The following TENM1 variants were observed in gnomAD, a reference collection of about 807,000 sequenced individuals.
TENM1 encodes teneurin transmembrane protein 1, also known as teneurin-1.
A neutral mutation model predicts 174.8 loss-of-function variants in TENM1; 35 were observed. That is an observed-to-expected ratio of 0.20 (90% CI 0.15 to 0.27). TENM1 has a LOEUF of 0.27. Ranked by LOEUF, TENM1 falls within the 10% of genes least tolerant of loss-of-function variation. The pLI, the probability that TENM1 is intolerant of heterozygous loss-of-function variation, is 1.00. For synonymous variants in TENM1, 781 were observed against 798.7 expected, an observed-to-expected ratio of 0.98 and a Z score of 0.37; for missense variants, 1,633 against 2,130.1, an observed-to-expected ratio of 0.77 and a Z score of 4.59.
At chrX:124,832,731 C>T (rs962541389) in intron 3 of TENM1, among the ~76,000 whole-genome samples, 12 of 111,299 alleles carry the variant, frequency 1.1e-4, no homozygotes, top group Middle Eastern at 4.6e-3. Flanking sequence ...TTCATTACCA[C>T]GCTGGGCTAA....
intron 22 of TENM1, among the ~76,000 whole-genome samples, chrX:124,454,404 TG>T (rs1161257019): frequency 7.0e-5 from 5 of 71,649 alleles, no homozygotes; most frequent in African/African-American, 2.4e-4. Context: ...TATATCTAGG[TG>T]TTTTTTTTTT....
At chrX:124,745,041 G>A (rs747821706) in intron 3 of TENM1, among the ~76,000 whole-genome samples, 4 of 111,898 alleles carry the variant, frequency 3.6e-5, no homozygotes, top group African/African-American at 1.3e-4. Context: ...AACAAAAAAA[G>A]CAAAAGGCAA....
chrX:124,653,443 A>G, intron 7 of TENM1, 141 bp downstream of exon 10: 1 of 462,184 alleles, frequency 2.2e-6, no homozygotes. Flanking sequence ...TTTCAGTGTA[A>G]TTATTCTGGA....
chrX:124,625,028 A>T (rs1366343228), intron 11 of TENM1, among the ~76,000 whole-genome samples: 1 of 111,825 alleles, frequency 8.9e-6, no homozygotes, highest in Non-Finnish European at 1.9e-5. Context: ...ATATTTAAAA[A>T]TGTGAGGTGA....
intron 1 of TENM1, among the ~76,000 whole-genome samples, chrX:124,933,264 G>C (rs7886364): frequency 0.018 from 2,049 of 111,982 alleles, 37 homozygotes; most frequent in African/African-American, 0.062. Flanking sequence ...TTAATGAGCA[G>C]TGAAAAGGCC....
chrX:125,162,780 A>G, the TENM1 span, among the ~76,000 whole-genome samples: 1 of 111,509 alleles, frequency 9.0e-6, no homozygotes, highest in African/African-American at 3.3e-5. Context: ...CCATATCTAC[A>G]TCTGCAGCTT....
At chrX:124,945,044 G>T in intron 1 of TENM1, among the ~76,000 whole-genome samples, 1 of 110,784 alleles carries the variant, frequency 9.0e-6, no homozygotes, top group African/African-American at 3.3e-5. Flanking sequence ...ACTATGGAAA[G>T]AAAAAAGCAG....
chrX:124,761,128 A>G (rs1466829371), intron 3 of TENM1, among the ~76,000 whole-genome samples: 1 of 111,137 alleles, frequency 9.0e-6, no homozygotes, highest in Non-Finnish European at 1.9e-5. Context: ...ATTGTGGAAA[A>G]CTGTGGCGAT....
At chrX:124,678,787 G>T in intron 5 of TENM1, among the ~76,000 whole-genome samples, 2 of 110,927 alleles carry the variant, frequency 1.8e-5, no homozygotes, top group East Asian at 5.7e-4. Context: ...GGAAAATTTG[G>T]GTGTTGGGAA....
chrX:124,686,379 G>T (rs1439137022), intron 5 of TENM1, among the ~76,000 whole-genome samples: 1 of 111,867 alleles, frequency 8.9e-6, no homozygotes, highest in Non-Finnish European at 1.9e-5. Flanking sequence ...TGAAAATAAA[G>T]GATGCTAACT....
chrX:124,817,351 G>A (rs897690924), intron 3 of TENM1, among the ~76,000 whole-genome samples: 1 of 111,788 alleles, frequency 8.9e-6, no homozygotes, highest in African/African-American at 3.3e-5. Context: ...ATAAACATAC[G>A]TGTGCATGTG....
the TENM1 span, among the ~76,000 whole-genome samples, chrX:125,147,139 G>A: frequency 1.1e-4 from 11 of 97,883 alleles, no homozygotes; most frequent in Non-Finnish European, 2.4e-4. Context: ...ACACATATGT[G>A]TGTATATATA....
At position 124,383,614 on chromosome X, in the gene TENM1, GT is replaced by G. The variant is rs1356787081; in HGVS notation, c.7297+19del. On this transcript the variant is annotated intron_variant, in intron 30 of 31. Coordinates refer to ENST00000422452, the Ensembl canonical transcript of TENM1. Reference sequence around the variant, plus strand: ...CTGAGTTACTCAAGTTTAGCTTAAAGTTTTAAATAGTTTAAATACCTGTGGT... The same window carrying G: ...CTGAGTTACTCAAGTTTAGCTTAAAGTTTAAATAGTTTAAATACCTGTGGT... 8.5e-7 allele frequency: 1 copy of G among 1,181,276 alleles called. No individual in the cohort carries two copies. The highest frequency in any genetic ancestry group is 1.1e-6 in the Non-Finnish European group (1 of 877,756).
intron 17 of TENM1, 66 bp downstream of exon 20, chrX:124,523,298 C>T (rs1313189598): frequency 9.5e-7 from 1 of 1,058,052 alleles, no homozygotes; most frequent in African/African-American, 1.9e-5. Flanking sequence ...AGGAATTTAG[C>T]TATTATACAC....
At chrX:124,899,879 T>TA (rs986219933) in intron 1 of TENM1, among the ~76,000 whole-genome samples, 12 of 111,645 alleles carry the variant, frequency 1.1e-4, no homozygotes, top group African/African-American at 3.6e-4. Flanking sequence ...CTACTATGGC[T>TA]AAAAAAAATT....
chrX:124,428,983 A>C (rs1369651431), intron 23 of TENM1, among the ~76,000 whole-genome samples: 1 of 112,289 alleles, frequency 8.9e-6, no homozygotes, highest in Admixed American at 9.4e-5. Flanking sequence ...TTACAGGCCC[A>C]GTCATCTGAG....
intron 1 of TENM1, among the ~76,000 whole-genome samples, chrX:124,898,029 A>G (rs1244433854): frequency 8.9e-6 from 1 of 112,427 alleles, no homozygotes; most frequent in East Asian, 2.8e-4. Context: ...TAAACCTTTC[A>G]GCTTGAAGCT....
At chrX:124,567,724 C>A (rs2048972039) in intron 11 of TENM1, among the ~76,000 whole-genome samples, 1 of 111,286 alleles carries the variant, frequency 9.0e-6, no homozygotes, top group Non-Finnish European at 1.9e-5. Flanking sequence ...CCCAAAAGAA[C>A]CCCTGGTCCC....
At chrX:124,653,887 C>T in intron 6 of TENM1, 104 bp from the exon 10 acceptor site, 1 of 679,928 alleles carries the variant, frequency 1.5e-6, no homozygotes, top group Admixed American at 3.5e-5. Context: ...ACTTACTCAG[C>T]TTTTTCTTCC....
Sources: allele counts gnomAD v4.1 joint callset (sites outside exome capture counted in the v4.1 genomes callset), GRCh38; gene constraint gnomAD v4.1.1; transcripts MANE v1.5; gene names NCBI Gene and HGNC (gene_info 2026-07-23, HGNC 2026-07-21).